H6PD: variants seen among roughly 807,000 people sequenced by gnomAD.
H6PD encodes GDH/6PGL endoplasmic bifunctional protein.
H6PD carries 48 observed loss-of-function variants against 61.2 expected under a neutral mutation model. The ratio of observed to expected loss-of-function variants is 0.78; its 90% confidence interval spans 0.62 to 1.00. H6PD has a LOEUF of 1.00. Among genes scored for constraint, H6PD ranks in the 50% least tolerant of loss-of-function variants. The probability of loss-of-function intolerance (pLI) is 0.00; values close to 1 mark genes in which losing one functional copy is unlikely to be tolerated. For synonymous variants in H6PD, 480 were observed against 457.9 expected, an observed-to-expected ratio of 1.05 and a Z score of -0.62; for missense variants, 1,093 against 1,065.0, an observed-to-expected ratio of 1.03 and a Z score of -0.37.
At chr1:9,260,868 C>A (rs1445415579) in intron 3 of H6PD, among the ~76,000 whole-genome samples, 1 of 152,072 alleles carries the variant, frequency 6.6e-6, no homozygotes, top group Non-Finnish European at 1.5e-5. Context: ...ACACCTAAAC[C>A]CTCCACCAAA....
chr1:9,269,552 C>T lies in H6PD; in HGVS notation c.*4683C>T, dbSNP rs61740358. ...AATAATCCTGCCTGCTTTTACCTCT[C>T]GTCCACTGACCAGCAAGTGTGAGTC... On this transcript the variant is annotated 3_prime_UTR_variant, in exon 5 of 5. Transcript: ENST00000377403. The surrounding 1 kb of genome is among the most constrained non-coding windows in gnomAD (Gnocchi z 4.3). The T allele has an allele frequency of 0.029, 4,480 of 152,332 alleles. 95 individuals carry two copies. Among genetic ancestry groups the T allele is most frequent in the Admixed American group, 0.056 (852 of 15,302 alleles). 9.4% of individuals were successfully genotyped at this position (152,332 alleles called of 1,614,324 possible).
At chr1:9,259,065 C>T (rs563479158) in intron 3 of H6PD, among the ~76,000 whole-genome samples, 2 of 152,296 alleles carry the variant, frequency 1.3e-5, no homozygotes, top group South Asian at 2.1e-4. Context: ...GATCTCAGCT[C>T]ACTGCAAGCT....
intron 3 of H6PD, among the ~76,000 whole-genome samples, chr1:9,257,657 C>A (rs1183969504): frequency 6.6e-6 from 1 of 152,172 alleles, no homozygotes; most frequent in Non-Finnish European, 1.5e-5. Context: ...GAGAAACAGG[C>A]CTGAATTACA....
At chr1:9,235,230 C>T (rs959891902) in intron 1 of H6PD, among the ~76,000 whole-genome samples, 164 bp downstream of exon 1, 6 of 152,028 alleles carry the variant, frequency 3.9e-5, no homozygotes, top group Non-Finnish European at 8.8e-5. Flanking sequence ...CAGGCTCCCT[C>T]CAGGGTCGCC....
rs1168093530 is a variant in H6PD, at chr1:9,264,534, G to T, written c.2041G>T (p.Val681Leu). Residue 681 changes from valine (V) to leucine (L), a missense_variant, in exon 5 of 5, where the codon GTG becomes TTG. By Grantham distance (32) the Val-to-Leu change is conservative. Transcript: ENST00000377403. ...QIYAREISAL[V>L]ANSSFDLVLL... ...CTATGCCAGGGAGATCTCAGCCCTGGTGGCCAACAGCAGCTTCGACCTGGT... is the reference window on the plus strand; with the variant it reads ...CTATGCCAGGGAGATCTCAGCCCTGTTGGCCAACAGCAGCTTCGACCTGGT... 1 of 1,613,188 alleles carries T rather than the reference G, an allele frequency of 6.2e-7. No individual in the cohort carries two copies. Among genetic ancestry groups the T allele is most frequent in the African/African-American group, 1.3e-5 (1 of 74,936 alleles).
At position 9,250,429 on chromosome 1, in the gene H6PD, C is replaced by T. The variant is rs1203684325; in HGVS notation, c.745+3346C>T. On this transcript the variant is annotated intron_variant, in intron 3 of 4. Transcript: ENST00000377403. ...CCCCCACTCCCTACCCCACACACAC[C>T]GCAGGCCATTCTCCCCCACTCCCCA... is the stretch of plus-strand genomic sequence containing the variant. Among the ~76,000 whole-genome samples the T allele has an allele frequency of 6.1e-5, 9 of 146,542 alleles. No homozygotes were observed. The East Asian group carries it at 1.6e-3, about 26-fold the overall frequency.
At position 9,268,225 on chromosome 1, in the gene H6PD, T is replaced by G. The variant is rs150449231; in HGVS notation, c.*3356T>G. ...TTGCTCTCTAGCCTGGAAAACAGAGTGAGACCCTATCTCAAAAAAAAAAAA... is the reference window on the plus strand; with the variant it reads ...TTGCTCTCTAGCCTGGAAAACAGAGGGAGACCCTATCTCAAAAAAAAAAAA... On this transcript the variant is annotated 3_prime_UTR_variant, in exon 5 of 5. Coordinates refer to ENST00000377403, the MANE Select transcript of H6PD (RefSeq NM_004285.4). 1,839 of 125,528 alleles carry G rather than the reference T, an allele frequency of 0.015. 17 individuals are homozygous for G. Among genetic ancestry groups the G allele is most frequent in the Middle Eastern group, 0.035 (7 of 202 alleles). The allele number at this position is 125,528 out of a possible 1,614,324, so 7.8% of individuals were successfully genotyped here. A position where few individuals can be genotyped will look rare whatever the true frequency, so the allele number is the denominator to read the frequency against.
intron 1 of H6PD, among the ~76,000 whole-genome samples, chr1:9,242,099 T>C (rs578027545): frequency 3.9e-5 from 6 of 152,324 alleles, no homozygotes; most frequent in African/African-American, 1.2e-4. Context: ...AGAATGTCTC[T>C]GTCTTGAGAA....
chr1:9,241,106 G>A (rs1640984686), intron 1 of H6PD, among the ~76,000 whole-genome samples: 1 of 152,192 alleles, frequency 6.6e-6, no homozygotes, highest in African/African-American at 2.4e-5. Flanking sequence ...GCCTGGCTCT[G>A]TAGCCCCAGG....
Position 9,262,308 on chromosome 1 carries a change from G to T in H6PD, c.995G>T (p.Ser332Ile). 1 of 1,605,992 alleles carries T rather than the reference G, an allele frequency of 6.2e-7. No homozygotes were observed. Among genetic ancestry groups the T allele is most frequent in the Non-Finnish European group, 8.5e-7 (1 of 1,176,456 alleles). ...CTGCAGAAGCCAGACAGCTTCCACA[G>T]CCTGACGCCGACCTTCGCAGGTGGG... ...RELQKPDSFH[S>I]LTPTFAAVLV... Residue 332 changes from serine (S) to isoleucine (I), a missense_variant, in exon 4 of 5, where the codon AGC (serine) becomes ATC (isoleucine). Ser to Ile is a moderately radical substitution (Grantham distance 142). Transcript: ENST00000377403.
At chr1:9,260,678 G>A (rs1421369428) in intron 3 of H6PD, among the ~76,000 whole-genome samples, 1 of 151,866 alleles carries the variant, frequency 6.6e-6, no homozygotes, top group African/African-American at 2.4e-5. Flanking sequence ...TTGTTGTTAC[G>A]CTGGTGTTGC....
intron 3 of H6PD, among the ~76,000 whole-genome samples, chr1:9,251,526 C>G (rs1295710496): frequency 6.6e-6 from 1 of 152,086 alleles, no homozygotes; most frequent in Non-Finnish European, 1.5e-5. Context: ...GGGTCCCTGT[C>G]CTGACATGGG....
intron 1 of H6PD, among the ~76,000 whole-genome samples, chr1:9,235,377 C>G (rs910141375): frequency 2.6e-5 from 4 of 152,100 alleles, no homozygotes; most frequent in African/African-American, 4.8e-5. Flanking sequence ...GTTTCCCGTA[C>G]CCGGATCTAG....
chr1:9,262,475 T>A (rs1183742519), intron 4 of H6PD, 147 bp downstream of exon 4: 1 of 791,632 alleles, frequency 1.3e-6, no homozygotes, highest in Non-Finnish European at 2.0e-6. Context: ...CATTCCCCTG[T>A]CTCCCTGGCC....
rs889924511 is a variant in H6PD at position 9,234,951 on chromosome 1, C to G, written c.-126C>G. On this transcript the variant is annotated 5_prime_UTR_variant, in exon 1 of 5. Transcript: ENST00000377403. ...CGCGCACTTGTCGGAGTGACGGGCCCTGCGGAAGAGGAGGTGCGGCCCAGG... is the reference window on the plus strand; with the variant it reads ...CGCGCACTTGTCGGAGTGACGGGCCGTGCGGAAGAGGAGGTGCGGCCCAGG... 6.8e-6 allele frequency: 1 copy of G among 147,978 alleles called. No individual in the cohort carries two copies. The highest frequency in any genetic ancestry group is 2.4e-5 in the African/African-American group (1 of 41,020). 9.2% of individuals were successfully genotyped at this position (147,978 alleles called of 1,614,324 possible).
At chr1:9,258,967 C>G (rs1300454055) in intron 3 of H6PD, among the ~76,000 whole-genome samples, 2 of 151,980 alleles carry the variant, frequency 1.3e-5, no homozygotes, top group African/African-American at 4.8e-5. Context: ...TGTTATGTTG[C>G]TGTTGTTACA....
chr1:9,264,008 T>C lies in H6PD; in HGVS notation c.1515T>C (p.Ala505=), dbSNP rs1299366647. The C allele has an allele frequency of 6.2e-7, 1 of 1,614,118 alleles. No individual in the cohort carries two copies. Residue 505 remains alanine, a synonymous_variant, in exon 5 of 5, where the codon GCT becomes GCC. Coordinates refer to ENST00000377403, the MANE Select transcript of H6PD (RefSeq NM_004285.4). ...CCCCACGCCTCTACCCTGGAGGAGC[T>C]GAGAATGGCCGTCTGTTGGACTTTG... The part of the protein sequence containing the change: ...HKAPRLYPGG[A]ENGRLLDFEF...
rs916553086 is a variant in H6PD at position 9,245,989 on chromosome 1, C to T, written c.627+428C>T. On this transcript the variant is annotated intron_variant, in intron 2 of 4. Transcript: ENST00000377403. This position sits in a 1 kb window ranked among gnomAD's most constrained non-coding sequence, Gnocchi z 4.8. Reference sequence around the variant, plus strand: ...AGACAGAGTCTGCTCTGTCACCAGGCTGGAGTGCAGTGGCATGATCTCGGC... The same window carrying T: ...AGACAGAGTCTGCTCTGTCACCAGGTTGGAGTGCAGTGGCATGATCTCGGC... Among the ~76,000 whole-genome samples the T allele has an allele frequency of 2.0e-5, 3 of 151,562 alleles. No homozygotes were observed. The highest frequency in any genetic ancestry group is 6.6e-5 in the Admixed American group (1 of 15,200).
rs552448547 is a variant in H6PD at position 9,246,054 on chromosome 1, C to T, written c.627+493C>T. Among the ~76,000 whole-genome samples the T allele has an allele frequency of 3.3e-5, 5 of 152,008 alleles. No individual in the cohort carries two copies. The East Asian group carries it at 5.8e-4, about 18-fold the overall frequency. On this transcript the variant is annotated intron_variant, in intron 2 of 4. Transcript: ENST00000377403. ...GCCTCCTGGGTTCCAGCAATTCTCC[C>T]GCCTCAGCCTCCCAAGTAGCTCGGA...
Sources: gnomAD v4.1 joint callset for allele counts (sites outside exome capture counted in the v4.1 genomes callset) on GRCh38, gnomAD v4.1.1 for gene constraint, Gnocchi (gnomAD v3.1) non-coding constraint, MANE v1.5 for transcripts, NCBI Gene and HGNC (gene_info 2026-07-23, HGNC 2026-07-21) for gene names.